The following FHOD3 variants were observed in gnomAD, a reference collection of about 807,000 sequenced individuals.
The protein encoded by FHOD3 is formin homology 2 domain containing 3, also known as FH1/FH2 domain-containing protein 3.
Under a neutral mutation model 173.0 loss-of-function variants are expected in FHOD3, and 90 were observed. The observed-to-expected ratio is 0.52, with a 90% CI of 0.44 to 0.62. The LOEUF (loss-of-function observed/expected upper bound fraction) is 0.62, where lower values mean the gene tolerates loss of function less well. Among genes scored for constraint, FHOD3 ranks in the 20% least tolerant of loss-of-function variants. The pLI is 0.00. For missense variants in FHOD3, 1,945 were observed against 2,034.7 expected, an observed-to-expected ratio of 0.96 and a Z score of 0.85; for synonymous variants, 828 against 823.0, an observed-to-expected ratio of 1.01 and a Z score of -0.10.
intron 5 of FHOD3, among the ~76,000 whole-genome samples, chr18:36,521,481 T>C (rs2056270200): frequency 6.6e-6 from 1 of 152,168 alleles, no homozygotes; most frequent in Admixed American, 6.5e-5. Context: ...TCAGCCACCC[T>C]AGGGTCCTCC....
chr18:36,303,450 G>T (rs2092007878), intron 1 of FHOD3, among the ~76,000 whole-genome samples: 1 of 152,142 alleles, frequency 6.6e-6, no homozygotes, highest in South Asian at 2.1e-4. Context: ...TCCTCCCAGG[G>T]TTGATGCTCT....
intron 28 of FHOD3, among the ~76,000 whole-genome samples, chr18:36,775,817 G>A (rs1010233703): frequency 6.6e-6 from 1 of 152,200 alleles, no homozygotes; most frequent in African/African-American, 2.4e-5. Context: ...CTGTCACCAG[G>A]GCCTGGGGTG....
chr18:36,415,056 G>A (rs1351770838), intron 3 of FHOD3, among the ~76,000 whole-genome samples: 1 of 152,138 alleles, frequency 6.6e-6, no homozygotes, highest in African/African-American at 2.4e-5. Context: ...GGGGATTTTT[G>A]GGCACCTCCA....
chr18:36,464,831 C>T (rs1468888078), intron 3 of FHOD3, among the ~76,000 whole-genome samples: 1 of 151,932 alleles, frequency 6.6e-6, no homozygotes, highest in African/African-American at 2.4e-5. Context: ...TTGCTCCCAC[C>T]CTCTGTCTCT....
Position 36,779,938 on chromosome 18 carries a change from G to A in FHOD3, c.*408G>A, listed in dbSNP as rs145369423. 5.2e-4 allele frequency: 223 copies of A among 430,170 alleles called. 1 individual carries two copies. In the East Asian group the frequency reaches 6.1e-3, roughly 12 times the overall value. 26.6% of individuals were successfully genotyped at this position (430,170 alleles called of 1,614,324 possible). ...ATATCCAGATGTAAACCCCAAACTT[G>A]TACACAAAAGAAAGCACAGATTGTT... On this transcript the variant is annotated 3_prime_UTR_variant, in exon 29 of 29. Coordinates refer to ENST00000590592, the MANE Select transcript of FHOD3 (RefSeq NM_001281740.3).
intron 5 of FHOD3, among the ~76,000 whole-genome samples, chr18:36,534,682 G>T (rs1599552038): frequency 6.6e-6 from 1 of 152,156 alleles, no homozygotes; most frequent in East Asian, 1.9e-4. Context: ...ATTGCCTTCA[G>T]TTATTATTGT....
chr18:36,662,633 T>G (rs565449769), intron 14 of FHOD3, among the ~76,000 whole-genome samples: 4 of 152,262 alleles, frequency 2.6e-5, no homozygotes, highest in African/African-American at 9.6e-5. Flanking sequence ...AACCCAGATA[T>G]AAGTAACAAC....
chr18:36,461,003 G>A (rs903637993), intron 3 of FHOD3, among the ~76,000 whole-genome samples: 13 of 152,272 alleles, frequency 8.5e-5, no homozygotes, highest in Admixed American at 5.2e-4. Context: ...CCTTCGGAGC[G>A]GTGCACAGGA....
In FHOD3 at chr18:36,742,758, G is replaced by T. The variant is rs768523082; in HGVS notation, c.3781G>T (p.Asp1261Tyr). Residue 1261 changes from aspartate to tyrosine, a missense_variant, in exon 22 of 29, where the codon GAC becomes TAC. Transcript: ENST00000590592. ...TEKEVAEPLL[D>Y]LKEGIDQLEN... ...AAAGGAAGTAGCAGAACCACTCCTG[G>T]ACCTGAAGGAAGGAATAGACCAGTT... The T allele has an allele frequency of 1.2e-6, 2 of 1,613,786 alleles. No homozygotes were observed.
chr18:36,481,804 C>T (rs764520419), intron 3 of FHOD3, among the ~76,000 whole-genome samples: 4 of 152,070 alleles, frequency 2.6e-5, no homozygotes, highest in Admixed American at 6.5e-5. Context: ...CCTTTGCCTC[C>T]TACCCATTTA....
chr18:36,340,324 A>G (rs188584633), intron 1 of FHOD3, among the ~76,000 whole-genome samples: 2 of 152,338 alleles, frequency 1.3e-5, no homozygotes, highest in African/African-American at 4.8e-5. Flanking sequence ...GTTAGGCAGG[A>G]TAATAATAAA....
chr18:36,330,583 TG>T (rs2044937441), intron 1 of FHOD3, among the ~76,000 whole-genome samples: 1 of 123,966 alleles, frequency 8.1e-6, no homozygotes, highest in African/African-American at 6.5e-5. Flanking sequence ...GACTGTGGCG[TG>T]CAGGGCTGAC....
chr18:36,616,195 GCA>G (rs2033181769), intron 9 of FHOD3, among the ~76,000 whole-genome samples: 1 of 152,218 alleles, frequency 6.6e-6, no homozygotes, highest in Admixed American at 6.5e-5. Flanking sequence ...ACTTTTTCCA[GCA>G]CAGATATTTC....
intron 5 of FHOD3, among the ~76,000 whole-genome samples, chr18:36,533,625 T>A (rs1299147887): frequency 6.6e-6 from 1 of 152,178 alleles, no homozygotes; most frequent in Non-Finnish European, 1.5e-5. Context: ...TCAATGACTT[T>A]GATAACTGGG....
intron 19 of FHOD3, among the ~76,000 whole-genome samples, chr18:36,720,765 T>TCTCCTCCTCCTCCTCTTC (rs1568670757): frequency 5.0e-5 from 7 of 139,974 alleles, no homozygotes; most frequent in Non-Finnish European, 1.1e-4. Flanking sequence ...TCCTGCTCCT[T>TCTCCTCCTCCTCCTCTTC]CTCCTCCTCC....
rs547258602 is a variant in FHOD3, at chr18:36,561,260, C to T, written c.512-15191C>T. ...GGCAAAACAATTCTGTTCTAATGAA[C>T]ACGTAATTACAGCTGCTGGGGAATA... is the stretch of plus-strand genomic sequence containing the variant. On this transcript the variant is annotated intron_variant, in intron 5 of 28. Coordinates refer to ENST00000590592, the MANE Select transcript of FHOD3 (RefSeq NM_001281740.3). Among the ~76,000 whole-genome samples the T allele has an allele frequency of 6.6e-5, 10 of 152,260 alleles. No homozygotes were observed. In the East Asian group the frequency reaches 1.9e-3, roughly 29 times the overall value.
intron 8 of FHOD3, among the ~76,000 whole-genome samples, chr18:36,609,534 A>G (rs899548329): frequency 6.6e-6 from 1 of 151,914 alleles, no homozygotes; most frequent in Non-Finnish European, 1.5e-5. Context: ...GAAATGACAA[A>G]TGACCTGCTG....
chr18:36,754,025 C>G (rs1446455490), intron 24 of FHOD3, among the ~76,000 whole-genome samples: 1 of 152,140 alleles, frequency 6.6e-6, no homozygotes, highest in Non-Finnish European at 1.5e-5. Flanking sequence ...CTTTGAAACA[C>G]AAAAGTTTTT....
chr18:36,550,936 T>C (rs1367940467), intron 5 of FHOD3, among the ~76,000 whole-genome samples: 2 of 152,184 alleles, frequency 1.3e-5, no homozygotes, highest in Non-Finnish European at 2.9e-5. Flanking sequence ...GCACTGGCTA[T>C]AATGTGGAAT....
Sources: gnomAD v4.1 joint callset for allele counts (sites outside exome capture counted in the v4.1 genomes callset) on GRCh38, gnomAD v4.1.1 for gene constraint, MANE v1.5 for transcripts, NCBI Gene and HGNC (gene_info 2026-07-23, HGNC 2026-07-21) for gene names.